CCSER1: variants seen among roughly 807,000 people sequenced by gnomAD.
CCSER1 encodes the protein serine-rich coiled-coil domain-containing protein 1.
In CCSER1, 41 loss-of-function variants were observed where a neutral mutation model predicts 82.0. The observed-to-expected ratio is 0.50, with a 90% confidence interval of 0.39 to 0.65. CCSER1 has a LOEUF of 0.65. Among genes scored for constraint, CCSER1 ranks in the 30% least tolerant of loss-of-function variants. The probability of loss-of-function intolerance (pLI) is 0.00; values close to 1 mark genes in which losing one functional copy is unlikely to be tolerated. For synonymous variants in CCSER1, 414 were observed against 383.9 expected (o/e 1.08, Z -0.92); for missense variants, 1,119 against 1,064.2 (o/e 1.05, Z -0.72).
intron 7 of CCSER1, among the ~76,000 whole-genome samples, chr4:90,729,437 A>G (rs1172898757): frequency 3.3e-5 from 5 of 152,226 alleles, no homozygotes; most frequent in African/African-American, 1.2e-4. Context: ...CATATATCAG[A>G]TTCCTCTTAT....
At chr4:90,775,884 A>T (rs1752825514) in intron 7 of CCSER1, among the ~76,000 whole-genome samples, 1 of 151,768 alleles carries the variant, frequency 6.6e-6, no homozygotes, top group South Asian at 2.1e-4. Context: ...ATGTCTCCCA[A>T]TCTAGAATCA....
chr4:90,742,172 C>T (rs1746661763), intron 7 of CCSER1, among the ~76,000 whole-genome samples: 4 of 152,070 alleles, frequency 2.6e-5, no homozygotes, highest in African/African-American at 9.7e-5. Context: ...GTCACGAGAA[C>T]AGCAGATGGA....
chr4:91,228,641 T>G (rs1333717237), intron 10 of CCSER1, among the ~76,000 whole-genome samples: 3 of 152,116 alleles, frequency 2.0e-5, no homozygotes, highest in Non-Finnish European at 4.4e-5. Flanking sequence ...CTTAATCTAT[T>G]TCATGAAATT....
At chr4:91,500,964 C>T (rs900889193) in intron 10 of CCSER1, among the ~76,000 whole-genome samples, 1 of 151,772 alleles carries the variant, frequency 6.6e-6, no homozygotes, top group South Asian at 2.1e-4. Context: ...AAATTCATTA[C>T]ATTTCTATAC....
At position 90,864,805 on chromosome 4, in the gene CCSER1, C is replaced by G. The variant is rs73834573; in HGVS notation, c.2094+48960C>G. Among the ~76,000 whole-genome samples the G allele has an allele frequency of 9.4e-3, 1,426 of 152,114 alleles. 19 individuals carry two copies. The highest frequency in any genetic ancestry group is 0.032 in the African/African-American group (1,336 of 41,534). On this transcript the variant is annotated intron_variant, in intron 8 of 10. Transcript: ENST00000509176. ...GGTCCAATAAATATTTGGGACTAGT[C>G]TACTGCAAGTCGATATCTGTTGAAC... is the stretch of plus-strand genomic sequence containing the variant.
chr4:91,099,280 G>T (rs1304630535), intron 10 of CCSER1, among the ~76,000 whole-genome samples: 1 of 152,114 alleles, frequency 6.6e-6, no homozygotes, highest in East Asian at 1.9e-4. Context: ...GAAATATATA[G>T]AATTTTTCAG....
chr4:90,451,092 T>C (rs942494093), intron 4 of CCSER1, among the ~76,000 whole-genome samples: 1 of 152,174 alleles, frequency 6.6e-6, no homozygotes, highest in Non-Finnish European at 1.5e-5. Context: ...CTGAGGATTG[T>C]GGTCTCCAAG....
intron 5 of CCSER1, among the ~76,000 whole-genome samples, chr4:90,534,906 C>T (rs945821985): frequency 6.6e-6 from 1 of 152,098 alleles, no homozygotes; most frequent in Non-Finnish European, 1.5e-5. Flanking sequence ...GTCAATGGAC[C>T]AGCAGCATCC....
In CCSER1 at chr4:91,164,235, T is replaced by C. The variant is rs572395207; in HGVS notation, c.2217+78241T>C. ...AAATTCTGGGTTGAAAATTCTTTCC[T>C]TTAAGAATGTTGAATATTGACCCCC... is the stretch of plus-strand genomic sequence containing the variant. On this transcript the variant is annotated intron_variant, in intron 10 of 10. Coordinates refer to ENST00000509176, the MANE Select transcript of CCSER1 (RefSeq NM_001145065.2). Among the ~76,000 whole-genome samples, 63 of 152,348 alleles carry C rather than the reference T, an allele frequency of 4.1e-4. 1 individual carries two copies. The South Asian group carries it at 0.013, about 31-fold the overall frequency.
At chr4:90,296,307 G>T (rs1260345882) in intron 1 of CCSER1, among the ~76,000 whole-genome samples, 1 of 152,034 alleles carries the variant, frequency 6.6e-6, no homozygotes, top group Non-Finnish European at 1.5e-5. Context: ...AAAATGAGAA[G>T]TGTCTGTTCA....
chr4:90,286,490 G>A (rs1418746927), intron 1 of CCSER1, among the ~76,000 whole-genome samples: 1 of 151,846 alleles, frequency 6.6e-6, no homozygotes, highest in East Asian at 1.9e-4. Context: ...GTTTATTGAT[G>A]GGGATGCTTT....
intron 7 of CCSER1, among the ~76,000 whole-genome samples, chr4:90,754,316 A>G (rs746972467): frequency 5.9e-5 from 9 of 152,216 alleles, no homozygotes; most frequent in Non-Finnish European, 1.3e-4. Flanking sequence ...TTTAACATAT[A>G]CGTTTATGTA....
chr4:90,233,747 GA>G (rs1176777747), intron 1 of CCSER1, among the ~76,000 whole-genome samples: 10 of 148,980 alleles, frequency 6.7e-5, no homozygotes, highest in African/African-American at 2.5e-4. Context: ...AATTATTATA[GA>G]AAAAGCAGTA....
intron 4 of CCSER1, among the ~76,000 whole-genome samples, chr4:90,406,280 AATG>A (rs1028455861): frequency 6.6e-6 from 1 of 152,198 alleles, no homozygotes; most frequent in Non-Finnish European, 1.5e-5. Context: ...GACACTATAT[AATG>A]ATAAGAGTAG....
intron 3 of CCSER1, among the ~76,000 whole-genome samples, chr4:90,369,637 G>A (rs1315946631): frequency 6.6e-6 from 1 of 151,910 alleles, no homozygotes; most frequent in Non-Finnish European, 1.5e-5. Flanking sequence ...TATTAATTGG[G>A]AGTGTACTAA....
chr4:91,340,410 C>T (rs1200297282), intron 10 of CCSER1, among the ~76,000 whole-genome samples: 1 of 152,064 alleles, frequency 6.6e-6, no homozygotes, highest in Non-Finnish European at 1.5e-5. Flanking sequence ...TTTTTTTCCC[C>T]AGAGGGAAAT....
At chr4:90,742,318 G>A (rs887413793) in intron 7 of CCSER1, among the ~76,000 whole-genome samples, 1 of 152,104 alleles carries the variant, frequency 6.6e-6, no homozygotes, top group Non-Finnish European at 1.5e-5. Flanking sequence ...GAATTTTAGA[G>A]GTTGAATCAT....
intron 1 of CCSER1, chr4:90,235,010 C>T (rs1443787921): frequency 3.3e-5 from 5 of 152,270 alleles, no homozygotes; most frequent in Admixed American, 1.3e-4. Context: ...GCTGCGGCTT[C>T]TACTGTTGTC....
chr4:90,830,963 C>T (rs898959629), intron 8 of CCSER1, among the ~76,000 whole-genome samples: 1 of 152,082 alleles, frequency 6.6e-6, no homozygotes, highest in African/African-American at 2.4e-5. Context: ...AATCTGTAAT[C>T]ATTTCACTCA....
Sources: gnomAD v4.1 joint callset for allele counts (sites outside exome capture counted in the v4.1 genomes callset) on GRCh38, gnomAD v4.1.1 for gene constraint, MANE v1.5 for transcripts, NCBI Gene and HGNC (gene_info 2026-07-23, HGNC 2026-07-21) for gene names.